Variants in ZMYM4 observed in about 807,000 individuals in gnomAD.
The protein encoded by ZMYM4 is zinc finger MYM-type protein 4.
A neutral mutation model predicts 183.2 loss-of-function variants in ZMYM4; 31 were observed. The observed-to-expected ratio is 0.17, with a 90% CI of 0.13 to 0.23. ZMYM4 has a LOEUF of 0.23. Among genes scored for constraint, ZMYM4 ranks in the 10% least tolerant of loss-of-function variants. ZMYM4 has a pLI of 1.00. For missense variants in ZMYM4, 1,273 were observed against 1,840.3 expected (o/e 0.69, Z 5.64); for synonymous variants, 592 against 631.2 (o/e 0.94, Z 0.93).
intron 9 of ZMYM4, among the ~76,000 whole-genome samples, chr1:35,382,208 ACACACG>A (rs1644475903): frequency 6.8e-6 from 1 of 147,536 alleles, no homozygotes; most frequent in African/African-American, 2.6e-5. Flanking sequence ...ACACACACAC[ACACACG>A]TATATATACG....
chr1:35,339,031 C>T (rs1454999526), intron 2 of ZMYM4, among the ~76,000 whole-genome samples: 1 of 152,008 alleles, frequency 6.6e-6, no homozygotes, highest in Non-Finnish European at 1.5e-5. Context: ...GAAAAATTTC[C>T]TGGGCTGAGA....
In ZMYM4 at chr1:35,286,050, A is replaced by G. The variant is rs183803867; in HGVS notation, c.39+16965A>G. Reference sequence around the variant, plus strand: ...TATTAGAAGTTCTAGCCAGAAGTTAAGCAAGAAAAAGGAAATAAAAAGCAT... The same window carrying G: ...TATTAGAAGTTCTAGCCAGAAGTTAGGCAAGAAAAAGGAAATAAAAAGCAT... On this transcript the variant is annotated intron_variant, in intron 1 of 29. Transcript: ENST00000314607. 9.8e-5 allele frequency among the ~76,000 whole-genome samples: 15 copies of G among 152,342 alleles called. No homozygotes were observed. In the East Asian group the frequency reaches 2.7e-3, roughly 27 times the overall value.
At chr1:35,353,197 C>T (rs1206694545) in intron 2 of ZMYM4, among the ~76,000 whole-genome samples, 1 of 152,192 alleles carries the variant, frequency 6.6e-6, no homozygotes. Flanking sequence ...TTCTTCACAT[C>T]CACCATTATT....
At chr1:35,310,412 T>G (rs1641739735) in intron 1 of ZMYM4, 1 of 186,898 alleles carries the variant, frequency 5.4e-6, no homozygotes, top group Non-Finnish European at 1.1e-5. Flanking sequence ...TTGATAGTAA[T>G]TTTTGATACA....
intron 1 of ZMYM4, among the ~76,000 whole-genome samples, chr1:35,318,125 C>G (rs1164868983): frequency 2.7e-5 from 4 of 148,400 alleles, no homozygotes; most frequent in Non-Finnish European, 5.9e-5. Flanking sequence ...GTTGCGCAAC[C>G]TTGGCTCACT....
intron 3 of ZMYM4, among the ~76,000 whole-genome samples, chr1:35,360,560 CT>C (rs1643913352): frequency 6.6e-6 from 1 of 151,980 alleles, no homozygotes; most frequent in African/African-American, 2.4e-5. Flanking sequence ...TCCAATATCC[CT>C]TCTTGGGGTA....
intron 1 of ZMYM4, among the ~76,000 whole-genome samples, chr1:35,283,977 T>G (rs1402377243): frequency 6.8e-6 from 1 of 146,492 alleles, no homozygotes; most frequent in Non-Finnish European, 1.5e-5. Flanking sequence ...TGTTTTTTTG[T>G]TTTTTTTTTT....
At chr1:35,327,981 C>G (rs1642576521) in intron 2 of ZMYM4, among the ~76,000 whole-genome samples, 1 of 152,154 alleles carries the variant, frequency 6.6e-6, no homozygotes, top group Non-Finnish European at 1.5e-5. Context: ...TCACTTTCGC[C>G]AAATAATGTT....
Position 35,362,277 on chromosome 1 carries a change from C to T in ZMYM4, c.840+488C>T, listed in dbSNP as rs182237321. Among the ~76,000 whole-genome samples the T allele has an allele frequency of 4.6e-5, 7 of 152,222 alleles. No homozygotes were observed. The East Asian group carries it at 1.4e-3, about 29-fold the overall frequency. On this transcript the variant is annotated intron_variant, in intron 5 of 29. Coordinates refer to ENST00000314607, the MANE Select transcript of ZMYM4 (RefSeq NM_005095.3). ...ATTAGTGGATAGAAGGTAAAGGAGG[C>T]TTTGATGAATGATACATGATTCCAA...
intron 2 of ZMYM4, among the ~76,000 whole-genome samples, chr1:35,328,637 A>G (rs1570363362): frequency 6.6e-6 from 1 of 151,972 alleles, no homozygotes; most frequent in Admixed American, 6.6e-5. Context: ...CAAATGGTGC[A>G]ATAAAGGTTA....
At chr1:35,351,135 C>G in intron 2 of ZMYM4, 2 of 1,044,330 alleles carry the variant, frequency 1.9e-6, no homozygotes. Context: ...TGGTCAGCCA[C>G]GTGCCTTTAC....
chr1:35,374,393 T>A (rs1016012637), intron 7 of ZMYM4, among the ~76,000 whole-genome samples: 6 of 152,188 alleles, frequency 3.9e-5, no homozygotes, highest in African/African-American at 1.4e-4. Flanking sequence ...ATAGTTTTTT[T>A]TCTGTTTATT....
rs762002925 is a variant in ZMYM4 at position 35,370,129 on chromosome 1, G to A, written c.925+16G>A. The stretch of plus-strand genomic sequence containing the variant: ...AGCCCTCTTGGTAAGAAACAGACCT[G>A]AATAAATGGATTGTGTATGTTCTGA... On this transcript the variant is annotated intron_variant, in intron 6 of 29. Transcript: ENST00000314607. The A allele has an allele frequency of 6.2e-7, 1 of 1,610,036 alleles. No individual in the cohort carries two copies. The highest frequency in any genetic ancestry group is 8.5e-7 in the Non-Finnish European group (1 of 1,177,084).
At chr1:35,384,816 C>A (rs1323230023) in intron 9 of ZMYM4, among the ~76,000 whole-genome samples, 1 of 150,942 alleles carries the variant, frequency 6.6e-6, no homozygotes, top group Non-Finnish European at 1.5e-5. Context: ...TAGGTTATAA[C>A]CAGCATTATT....
chr1:35,321,954 A>G (rs1481260296), intron 1 of ZMYM4, among the ~76,000 whole-genome samples: 3 of 151,782 alleles, frequency 2.0e-5, no homozygotes, highest in Non-Finnish European at 4.4e-5. Flanking sequence ...GCAATATTGC[A>G]TTTAAAAAAA....
intron 2 of ZMYM4, chr1:35,350,948 G>A (rs1570412321): frequency 3.0e-6 from 2 of 675,738 alleles, no homozygotes; most frequent in Non-Finnish European, 5.3e-6. Context: ...TAGTCTGTGC[G>A]GCATATGCAT....
At chr1:35,270,344 A>G (rs1208027121) in intron 1 of ZMYM4, among the ~76,000 whole-genome samples, 2 of 152,222 alleles carry the variant, frequency 1.3e-5, no homozygotes, top group African/African-American at 4.8e-5. Flanking sequence ...GTAAATGACC[A>G]AAGAAGTGTC....
At chr1:35,373,369 T>C (rs1291392738) in intron 7 of ZMYM4, among the ~76,000 whole-genome samples, 1 of 137,996 alleles carries the variant, frequency 7.2e-6, no homozygotes, top group Non-Finnish European at 1.5e-5. Context: ...TGATCTTAAC[T>C]TTTTTTTTTT....
At chr1:35,283,070 C>T (rs1332450759) in intron 1 of ZMYM4, among the ~76,000 whole-genome samples, 1 of 134,000 alleles carries the variant, frequency 7.5e-6, no homozygotes, top group East Asian at 2.2e-4. Flanking sequence ...GCCATCTCAC[C>T]ACACTGTAAC....
Sources: allele counts gnomAD v4.1 joint callset (sites outside exome capture counted in the v4.1 genomes callset), GRCh38; gene constraint gnomAD v4.1.1; transcripts MANE v1.5; gene names NCBI Gene and HGNC (gene_info 2026-07-23, HGNC 2026-07-21).